Variants in NRCAM observed in about 807,000 individuals in gnomAD.
The protein encoded by NRCAM is neuronal cell adhesion molecule.
In NRCAM, 83 loss-of-function variants were observed where a neutral mutation model predicts 156.5. The ratio of observed to expected loss-of-function variants is 0.53; its 90% CI spans 0.44 to 0.64. The LOEUF (loss-of-function observed/expected upper bound fraction) is 0.64, where lower values mean the gene tolerates loss of function less well. Ranked by LOEUF, NRCAM falls within the 30% of genes least tolerant of loss-of-function variation. The pLI is 0.00. For missense variants in NRCAM, 1,417 were observed against 1,597.3 expected, an observed-to-expected ratio of 0.89 and a Z score of 1.92; for synonymous variants, 538 against 563.9, an observed-to-expected ratio of 0.95 and a Z score of 0.65.
intron 2 of NRCAM, among the ~76,000 whole-genome samples, chr7:108,397,999 T>C (rs922174048): frequency 3.3e-5 from 5 of 152,178 alleles, no homozygotes; most frequent in Admixed American, 6.5e-5. Flanking sequence ...AGTAAATAAA[T>C]GAATAATATT....
intron 2 of NRCAM, among the ~76,000 whole-genome samples, chr7:108,337,344 C>A (rs1251411150): frequency 6.6e-6 from 1 of 151,812 alleles, no homozygotes; most frequent in Non-Finnish European, 1.5e-5. Flanking sequence ...TCTATTAAAT[C>A]TTGCAACTGC....
chr7:108,276,306 T>C (rs140558936), intron 3 of NRCAM, among the ~76,000 whole-genome samples: 48 of 152,336 alleles, frequency 3.2e-4, no homozygotes, highest in African/African-American at 1.1e-3. Context: ...TTCTGTCTTG[T>C]TGATCTGTCT....
chr7:108,407,607 C>A (rs937392243), intron 1 of NRCAM, among the ~76,000 whole-genome samples: 1 of 152,168 alleles, frequency 6.6e-6, no homozygotes, highest in Non-Finnish European at 1.5e-5. Flanking sequence ...TGCTGTAGAT[C>A]TGTAGTTTGA....
Position 108,191,742 on chromosome 7 carries a change from C to T in NRCAM, c.1890G>A (p.Val630=). 6.2e-7 allele frequency: 1 copy of T among 1,612,370 alleles called. No individual in the cohort carries two copies. Among genetic ancestry groups the T allele is most frequent in the Non-Finnish European group, 8.5e-7 (1 of 1,178,752 alleles). ...TTLDSVSASA[V]LSVVAPTPTP... ...TTTCGTTCTTACCAACAACGCTAAGCACAGCGCTGGCGGAGACGCTGTCCA... is the reference window on the plus strand; with the variant it reads ...TTTCGTTCTTACCAACAACGCTAAGTACAGCGCTGGCGGAGACGCTGTCCA... Residue 630 remains valine, a synonymous_variant, in exon 18 of 33, where the codon GTG becomes GTA. Transcript: ENST00000379028.
intron 11 of NRCAM, among the ~76,000 whole-genome samples, chr7:108,222,679 C>T (rs1040351192): frequency 6.6e-6 from 1 of 152,076 alleles, no homozygotes; most frequent in East Asian, 1.9e-4. Context: ...CCAGCGGAGG[C>T]CTCCACGTGC....
At chr7:108,225,229 C>T (rs539781196) in intron 10 of NRCAM, among the ~76,000 whole-genome samples, 32 of 152,262 alleles carry the variant, frequency 2.1e-4, no homozygotes, top group African/African-American at 7.7e-4. Flanking sequence ...TGATGATTTA[C>T]TATGAAATCC....
intron 10 of NRCAM, among the ~76,000 whole-genome samples, chr7:108,224,265 T>A (rs1157271908): frequency 4.0e-5 from 6 of 151,660 alleles, no homozygotes; most frequent in Non-Finnish European, 7.4e-5. Flanking sequence ...TATAAAGATA[T>A]GGTTATAGAA....
intron 1 of NRCAM, among the ~76,000 whole-genome samples, chr7:108,443,677 T>G (rs1359472294): frequency 6.6e-6 from 1 of 152,154 alleles, no homozygotes; most frequent in African/African-American, 2.4e-5. Context: ...AATTTACACT[T>G]GATGGAGGCA....
intron 6 of NRCAM, 73 bp from the exon 7 acceptor site, chr7:108,232,595 G>A: frequency 9.9e-7 from 1 of 1,008,254 alleles, no homozygotes; most frequent in East Asian, 2.7e-5. Flanking sequence ...ATTCCTAGCA[G>A]TTTTATGGGT....
intron 2 of NRCAM, among the ~76,000 whole-genome samples, chr7:108,322,020 T>A (rs898821799): frequency 1.3e-5 from 2 of 152,180 alleles, no homozygotes; most frequent in African/African-American, 4.8e-5. Context: ...AAGACTTTTT[T>A]AAAAAATTAG....
At chr7:108,241,753 T>C (rs542223005) in intron 3 of NRCAM, among the ~76,000 whole-genome samples, 24 of 152,152 alleles carry the variant, frequency 1.6e-4, no homozygotes, top group Non-Finnish European at 2.9e-4. Flanking sequence ...ATTTGGATAG[T>C]TTGACTATGA....
intron 2 of NRCAM, among the ~76,000 whole-genome samples, chr7:108,345,328 G>C (rs2099345112): frequency 6.6e-6 from 1 of 152,116 alleles, no homozygotes; most frequent in Non-Finnish European, 1.5e-5. Context: ...CTGGCAGTAA[G>C]TTCCCAAAAT....
At chr7:108,294,193 G>GTTTTTTTTTTTT (rs56717039) in intron 3 of NRCAM, among the ~76,000 whole-genome samples, 1 of 87,932 alleles carries the variant, frequency 1.1e-5, no homozygotes, top group Non-Finnish European at 2.1e-5. Context: ...TTCTTTACTG[G>GTTTTTTTTTTTT]TTTTTTTTTT....
chr7:108,209,856 A>C (rs2153586328), intron 11 of NRCAM, among the ~76,000 whole-genome samples: 1 of 152,348 alleles, frequency 6.6e-6, no homozygotes, highest in South Asian at 2.1e-4. Context: ...TGCCAGCATG[A>C]GTTGCTTTAC....
At chr7:108,313,116 T>C (rs2098826712) in intron 2 of NRCAM, 1 of 152,166 alleles carries the variant, frequency 6.6e-6, no homozygotes, top group East Asian at 1.9e-4. Context: ...ATAGAAATTT[T>C]TTAGGTTATG....
chr7:108,156,062 A>G (rs1451357318), intron 32 of NRCAM, among the ~76,000 whole-genome samples: 3 of 152,132 alleles, frequency 2.0e-5, no homozygotes. Flanking sequence ...TTGCAGCTCA[A>G]GTAACATTCA....
intron 2 of NRCAM, among the ~76,000 whole-genome samples, chr7:108,362,992 GAA>G (rs1419355777): frequency 4.6e-5 from 7 of 152,080 alleles, no homozygotes; most frequent in Admixed American, 2.0e-4. Context: ...AGCATCTTAA[GAA>G]CTTGCTAAAC....
intron 2 of NRCAM, among the ~76,000 whole-genome samples, chr7:108,315,025 T>A (rs1387099998): frequency 6.8e-6 from 1 of 147,558 alleles, no homozygotes; most frequent in Non-Finnish European, 1.5e-5. Context: ...AACAACCCAG[T>A]CAATTCTGTC....
chr7:108,455,294 G>A lies in NRCAM; in HGVS notation c.-332+949C>T, dbSNP rs544952356. Among the ~76,000 whole-genome samples, 34 of 152,310 alleles carry A rather than the reference G, an allele frequency of 2.2e-4. No individual in the cohort carries two copies. In the South Asian group the frequency reaches 5.2e-3, roughly 23 times the overall value. On this transcript the variant is annotated intron_variant, in intron 1 of 32. Coordinates refer to ENST00000379028, the MANE Select transcript of NRCAM (RefSeq NM_001037132.4). The stretch of plus-strand genomic sequence containing the variant: ...AGGATGCGGCAGCGCCCACCCGCGC[G>A]GCGTGGAGGGGGCCGGGGGCGGCGC...
Sources: gnomAD v4.1 joint callset for allele counts (sites outside exome capture counted in the v4.1 genomes callset) on GRCh38, gnomAD v4.1.1 for gene constraint, MANE v1.5 for transcripts, NCBI Gene and HGNC (gene_info 2026-07-23, HGNC 2026-07-21) for gene names.